Variants in CXADR observed in about 807,000 individuals in gnomAD.
CXADR encodes CXADR cell adhesion molecule, also known as coxsackievirus and adenovirus receptor.
CXADR carries 20 observed loss-of-function variants against 40.3 expected under a neutral mutation model. The observed-to-expected ratio is 0.50, with a 90% CI of 0.35 to 0.72. The LOEUF (loss-of-function observed/expected upper bound fraction) is 0.72. Among genes scored for constraint, CXADR ranks in the 30% least tolerant of loss-of-function variants. The probability of loss-of-function intolerance (pLI) is 0.01; values close to 1 mark genes in which losing one functional copy is unlikely to be tolerated. For synonymous variants in CXADR, 150 were observed against 161.3 expected (o/e 0.93, Z 0.53); for missense variants, 332 against 449.1 (o/e 0.74, Z 2.36).
the CXADR span, among the ~76,000 whole-genome samples, chr21:17,635,716 C>A: frequency 3.9e-5 from 6 of 152,194 alleles, no homozygotes; most frequent in South Asian, 2.1e-4. Context: ...ACCACACACA[C>A]ACAAAATGTC....
intron 1 of CXADR, among the ~76,000 whole-genome samples, chr21:17,526,481 A>G (rs770747255): frequency 1.3e-5 from 2 of 152,216 alleles, no homozygotes; most frequent in African/African-American, 2.4e-5. Flanking sequence ...AAGTATATGC[A>G]TAATAATTAT....
At chr21:17,622,461 A>G in the CXADR span, among the ~76,000 whole-genome samples, 1 of 152,164 alleles carries the variant, frequency 6.6e-6, no homozygotes, top group African/African-American at 2.4e-5. Flanking sequence ...TTTGTGATAC[A>G]AAAAGACATG....
At chr21:17,599,172 TTC>T in the CXADR span, 2 of 201,028 alleles carry the variant, frequency 9.9e-6, no homozygotes, top group African/African-American at 2.4e-5. Context: ...CAATAAAACA[TTC>T]TGATGTATTT....
chr21:17,558,046 T>TA (rs1291721755), intron 3 of CXADR, among the ~76,000 whole-genome samples: 3 of 151,956 alleles, frequency 2.0e-5, no homozygotes, highest in Non-Finnish European at 4.4e-5. Flanking sequence ...TCTAAACAGT[T>TA]ACCCAGAAAC....
At chr21:17,547,933 A>AG (rs1221129842) in intron 2 of CXADR, among the ~76,000 whole-genome samples, 2 of 152,184 alleles carry the variant, frequency 1.3e-5, no homozygotes, top group Non-Finnish European at 2.9e-5. Context: ...AAAGCCAAAA[A>AG]TAGCACAGAG....
intron 7 of CXADR, among the ~76,000 whole-genome samples, chr21:17,588,006 CTTGT>C (rs1569161419): frequency 2.0e-5 from 3 of 152,024 alleles, no homozygotes; most frequent in Non-Finnish European, 2.9e-5. Flanking sequence ...TTCCCCATTG[CTTGT>C]TTTTCTCAGG....
chr21:17,526,321 T>A (rs1272019425), intron 1 of CXADR, among the ~76,000 whole-genome samples: 1 of 152,238 alleles, frequency 6.6e-6, no homozygotes, highest in Non-Finnish European at 1.5e-5. Flanking sequence ...CACATAGTAT[T>A]TGTTTCCTGT....
chr21:17,593,978 G>C (rs1021129305), downstream of CXADR: 44 of 1,214,734 alleles, frequency 3.6e-5, no homozygotes, highest in African/African-American at 6.5e-4. Flanking sequence ...AAATAAGTTT[G>C]ATGGTTTGGC....
intron 1 of CXADR, chr21:17,542,082 GTCT>G (rs2060837454): frequency 3.0e-6 from 1 of 333,064 alleles, no homozygotes; most frequent in Non-Finnish European, 5.8e-6. Flanking sequence ...TTAAATTTTT[GTCT>G]TCTTCCATAG....
chr21:17,562,017 A>G (rs917219598), intron 6 of CXADR, among the ~76,000 whole-genome samples: 1 of 152,238 alleles, frequency 6.6e-6, no homozygotes, highest in African/African-American at 2.4e-5. Context: ...GGCACACTTC[A>G]GAGTTATCGC....
chr21:17,557,151 T>G (rs2061046628), intron 3 of CXADR, among the ~76,000 whole-genome samples: 1 of 152,122 alleles, frequency 6.6e-6, no homozygotes, highest in South Asian at 2.1e-4. Flanking sequence ...AAAAAAGTCT[T>G]GACGTTTATC....
rs532541050 is a variant in CXADR at position 17,577,612 on chromosome 21, C to CTTTTTTTTTTT, written c.1017+12019_1017+12029dup. Among the ~76,000 whole-genome samples the CTTTTTTTTTTT allele has an allele frequency of 8.2e-3, 299 of 36,580 alleles. 39 individuals carry two copies. Among genetic ancestry groups the CTTTTTTTTTTT allele is most frequent in the African/African-American group, 0.013 (157 of 11,878 alleles). The allele number at this position is 36,580 out of a possible 152,430, so 24.0% of individuals were successfully genotyped here. On this transcript the variant is annotated intron_variant, in intron 7 of 7. Coordinates refer to the CXADR transcript ENST00000400169. ...CTCACACGTCAGACCATTCTGCAAG[C>CTTTTTTTTTTT]TTTTTTTTTTTTTTTTTTTTTTTTT...
chr21:17,532,173 T>TGATG (rs2060686747), intron 1 of CXADR, among the ~76,000 whole-genome samples: 1 of 152,078 alleles, frequency 6.6e-6, no homozygotes, highest in African/African-American at 2.4e-5. Context: ...GCCTAAGCAG[T>TGATG]CTTCCTGCCC....
At chr21:17,604,249 TG>T in the CXADR span, 7 of 412,876 alleles carry the variant, frequency 1.7e-5, no homozygotes, top group Non-Finnish European at 2.9e-5. Context: ...GAGAGCAGTC[TG>T]GCCAACATGG....
At chr21:17,562,026 G>A (rs563816374) in intron 6 of CXADR, among the ~76,000 whole-genome samples, 5 of 152,234 alleles carry the variant, frequency 3.3e-5, no homozygotes, top group African/African-American at 1.2e-4. Context: ...CAGAGTTATC[G>A]CACACTGCGA....
At chr21:17,528,034 A>C (rs1170274380) in intron 1 of CXADR, among the ~76,000 whole-genome samples, 1 of 126,020 alleles carries the variant, frequency 7.9e-6, no homozygotes, top group African/African-American at 3.0e-5. Context: ...TAGCAATTTT[A>C]CTTAGGCAGT....
At chr21:17,560,442 C>T (rs1234040585) in intron 4 of CXADR, among the ~76,000 whole-genome samples, 1 of 152,190 alleles carries the variant, frequency 6.6e-6, no homozygotes, top group African/African-American at 2.4e-5. Flanking sequence ...AGCAGGTACA[C>T]AGTGGACCAG....
In CXADR at chr21:17,557,569, T is replaced by C. The variant is rs1430343540; in HGVS notation, c.416-1407T>C. On this transcript the variant is annotated intron_variant, in intron 3 of 6. Coordinates refer to ENST00000284878, the MANE Select transcript of CXADR (RefSeq NM_001338.5). ...AGTTTGGCTGACTGGGCTTTGACAG[T>C]AGCCCCAAACTGGAAACACAGTATT... Among the ~76,000 whole-genome samples the C allele has an allele frequency of 2.0e-5, 3 of 152,230 alleles. No individual in the cohort carries two copies. The East Asian group carries it at 5.8e-4, about 29-fold the overall frequency.
intron 3 of CXADR, among the ~76,000 whole-genome samples, chr21:17,553,036 C>T (rs150829603): frequency 0.014 from 2,056 of 152,214 alleles, 44 homozygotes; most frequent in African/African-American, 0.045. Context: ...GATTCTCTTG[C>T]CTCAGCCTCC....
Sources: gnomAD v4.1 joint callset for allele counts (sites outside exome capture counted in the v4.1 genomes callset) on GRCh38, gnomAD v4.1.1 for gene constraint, MANE v1.5 for transcripts, NCBI Gene and HGNC (gene_info 2026-07-23, HGNC 2026-07-21) for gene names.